The following POP4 variants were observed in gnomAD, a reference collection of about 807,000 sequenced individuals.
POP4 encodes the protein POP4 ribonuclease P/MRP subunit.
Under a neutral mutation model 29.9 loss-of-function variants are expected in POP4, and 31 were observed. The ratio of observed to expected loss-of-function variants is 1.04; its 90% CI spans 0.78 to 1.40. The LOEUF is 1.40. POP4 is among the 40% of genes most tolerant of loss of function. The probability of loss-of-function intolerance (pLI) is 0.00; values close to 1 mark genes in which losing one functional copy is unlikely to be tolerated. For synonymous variants in POP4, 110 were observed against 108.2 expected, an observed-to-expected ratio of 1.02 and a Z score of -0.10; for missense variants, 286 against 282.7, an observed-to-expected ratio of 1.01 and a Z score of -0.08.
Position 29,606,287 on chromosome 19 carries a change from C to T in POP4, c.-32C>T, listed in dbSNP as rs1466523066. 2 of 1,597,226 alleles carry T rather than the reference C, an allele frequency of 1.3e-6. No homozygotes were observed. Among genetic ancestry groups the T allele is most frequent in the Non-Finnish European group, 1.7e-6 (2 of 1,172,590 alleles). On this transcript the variant is annotated 5_prime_UTR_variant, in exon 1 of 7. Coordinates refer to ENST00000585603, the MANE Select transcript of POP4 (RefSeq NM_006627.3). ...GAGTCTGCGACAGCAGCTGCCAGTGCGTCATCAGAGAGCGCCGGAAGCGGT... is the reference window on the plus strand; with the variant it reads ...GAGTCTGCGACAGCAGCTGCCAGTGTGTCATCAGAGAGCGCCGGAAGCGGT...
intron 3 of POP4, 75 bp downstream of exon 3, chr19:29,610,707 G>C (rs1430448281): frequency 6.8e-7 from 1 of 1,460,208 alleles, no homozygotes. Flanking sequence ...TGAGTGGCTG[G>C]GGAGGCAGCC....
rs1178410464 is a variant in POP4 at position 29,615,403 on chromosome 19, T to A, written c.*23T>A. ...TGAATTCTTTGCCGTCTAAGGCAGT[T>A]GTTTATGACAGCTGAAAACTGGACA... On this transcript the variant is annotated 3_prime_UTR_variant, in exon 7 of 7. Coordinates refer to ENST00000585603, the MANE Select transcript of POP4 (RefSeq NM_006627.3). 6.2e-7 allele frequency: 1 copy of A among 1,606,124 alleles called. No homozygotes were observed. The highest frequency in any genetic ancestry group is 8.5e-7 in the Non-Finnish European group (1 of 1,175,332).
intron 2 of POP4, among the ~76,000 whole-genome samples, chr19:29,610,058 C>T (rs1971046005): frequency 6.6e-6 from 1 of 152,242 alleles, no homozygotes; most frequent in African/African-American, 2.4e-5. Flanking sequence ...ATTTGTTATA[C>T]ATTTCTCAAG....
Position 29,616,242 on chromosome 19 carries a change from G to A in POP4, c.*862G>A, listed in dbSNP as rs1242710557. The A allele has an allele frequency of 6.6e-6, 1 of 152,252 alleles. No homozygotes were observed. Among genetic ancestry groups the A allele is most frequent in the East Asian group, 1.9e-4 (1 of 5,202 alleles). The allele number at this position is 152,252 out of a possible 1,614,324, so 9.4% of individuals were successfully genotyped here. Reference sequence around the variant, plus strand: ...AGACTTGGCTTTTCAGTCTGACCCTGGCCCTCTGTGACCATGTGTCTGTAA... The same window carrying A: ...AGACTTGGCTTTTCAGTCTGACCCTAGCCCTCTGTGACCATGTGTCTGTAA... On this transcript the variant is annotated 3_prime_UTR_variant, in exon 7 of 7. Coordinates refer to ENST00000585603, the MANE Select transcript of POP4 (RefSeq NM_006627.3).
chr19:29,606,629 C>G (rs371609919), intron 1 of POP4: 1 of 337,874 alleles, frequency 3.0e-6, no homozygotes, highest in Admixed American at 4.7e-5. Context: ...CCGGGGTGAC[C>G]GCGGTCAAGA....
chr19:29,608,956 C>T, intron 2 of POP4: 1 of 463,370 alleles, frequency 2.2e-6, no homozygotes, highest in Non-Finnish European at 3.9e-6. Context: ...TTATCATTTC[C>T]CACTGTGTTG....
At chr19:29,613,617 A>T (rs1210987781) in intron 5 of POP4, among the ~76,000 whole-genome samples, 2 of 152,060 alleles carry the variant, frequency 1.3e-5, no homozygotes, top group Non-Finnish European at 2.9e-5. Flanking sequence ...CCTGCCCAAG[A>T]CCCCTGTGGC....
chr19:29,608,473 G>A (rs1187577358), intron 1 of POP4, among the ~76,000 whole-genome samples, 184 bp from the exon 2 acceptor site: 1 of 151,776 alleles, frequency 6.6e-6, no homozygotes, highest in Non-Finnish European at 1.5e-5. Flanking sequence ...CACCATGTTG[G>A]CCAGGCCGGT....
At position 29,617,204 on chromosome 19, in the gene POP4, C is replaced by G. The variant is rs1471843566; in HGVS notation, c.*1824C>G. 2 of 152,272 alleles carry G rather than the reference C, an allele frequency of 1.3e-5. No individual in the cohort carries two copies. Among genetic ancestry groups the G allele is most frequent in the Non-Finnish European group, 2.9e-5 (2 of 68,052 alleles). 9.4% of individuals were successfully genotyped at this position (152,272 alleles called of 1,614,324 possible). ...CCCTCTGCAATGTAAAAGGCGTCCA[C>G]TGTTGTGTAAATACACAGTTGCTTT... is the stretch of plus-strand genomic sequence containing the variant. On this transcript the variant is annotated 3_prime_UTR_variant, in exon 7 of 7. Coordinates refer to ENST00000585603, the MANE Select transcript of POP4 (RefSeq NM_006627.3).
chr19:29,612,084 G>C (rs1247977990), intron 4 of POP4, 33 bp from the exon 5 acceptor site: 1 of 1,597,746 alleles, frequency 6.3e-7, no homozygotes, highest in Non-Finnish European at 8.5e-7. Context: ...TTTTTATCAT[G>C]ATGTAAACCA....
intron 3 of POP4, chr19:29,611,087 C>T (rs1312882980): frequency 6.2e-6 from 1 of 161,462 alleles, no homozygotes; most frequent in Non-Finnish European, 1.4e-5. Context: ...ATGTCTTCCT[C>T]CAGCCGACCC....
rs1971027693 is a variant in POP4, at chr19:29,608,365, C to T, written c.8-292C>T. Among the ~76,000 whole-genome samples, 7 of 142,282 alleles carry T rather than the reference C, an allele frequency of 4.9e-5. No homozygotes were observed. In the South Asian group the frequency reaches 1.5e-3, roughly 31 times the overall value. The allele number at this position is 142,282 out of a possible 152,430, so 93.3% of individuals were successfully genotyped here. On this transcript the variant is annotated intron_variant, in intron 1 of 6. Transcript: ENST00000585603. ...CATTGCAGCCTCTGCCTCCCAGGTT[C>T]CAGCGATTCTCCTGCCTCAATCTCC...
intron 5 of POP4, among the ~76,000 whole-genome samples, chr19:29,613,423 G>A (rs1249702258): frequency 6.6e-6 from 1 of 152,174 alleles, no homozygotes; most frequent in Non-Finnish European, 1.5e-5. Context: ...GCTTGTGATG[G>A]TGGCTCATCT....
chr19:29,611,639 C>T, intron 3 of POP4: 6 of 508,040 alleles, frequency 1.2e-5, no homozygotes, highest in South Asian at 5.3e-5. Flanking sequence ...AGGTGGACAC[C>T]GCCCTGGGCT....
At chr19:29,615,092 C>A in intron 6 of POP4, 152 bp from the exon 7 acceptor site, 1 of 908,900 alleles carries the variant, frequency 1.1e-6, no homozygotes, top group Non-Finnish European at 1.6e-6. Flanking sequence ...CACAGGCAAC[C>A]CTAATGCCCC....
intron 3 of POP4, chr19:29,611,476 C>T (rs1971068008): frequency 4.6e-6 from 1 of 218,756 alleles, no homozygotes; most frequent in Non-Finnish European, 9.1e-6. Flanking sequence ...CCTTCCAGAC[C>T]AGCCTGCTGC....
At position 29,613,905 on chromosome 19, in the gene POP4, T is replaced by TA. The variant is rs1568295633; in HGVS notation, c.460dup (p.Thr154AsnfsTer53). ...CCAAATGCCCCTCTTATGTGGGTATTACAGGAATCCTTCTACAGGAAACAA... is the reference window on the plus strand; with the variant it reads ...CCAAATGCCCCTCTTATGTGGGTATTAACAGGAATCCTTCTACAGGAAACAA... On this transcript the variant is annotated frameshift_variant, in exon 6 of 7. Transcript: ENST00000585603. LOFTEE classifies it high-confidence loss of function. 6.2e-7 allele frequency: 1 copy of TA among 1,613,778 alleles called. No homozygotes were observed. The highest frequency in any genetic ancestry group is 8.5e-7 in the Non-Finnish European group (1 of 1,179,914).
At chr19:29,609,867 A>T (rs1971044384) in intron 2 of POP4, among the ~76,000 whole-genome samples, 1 of 152,152 alleles carries the variant, frequency 6.6e-6, no homozygotes, top group South Asian at 2.1e-4. Flanking sequence ...CCATGCCCAC[A>T]GAGCTGGAAA....
At chr19:29,609,793 G>A (rs1035885179) in intron 2 of POP4, among the ~76,000 whole-genome samples, 3 of 152,164 alleles carry the variant, frequency 2.0e-5, no homozygotes, top group East Asian at 1.9e-4. Context: ...AGATGCTCTC[G>A]ACGGTACCTT....
Sources: allele counts gnomAD v4.1 joint callset (sites outside exome capture counted in the v4.1 genomes callset), GRCh38; gene constraint gnomAD v4.1.1; transcripts MANE v1.5; gene names NCBI Gene and HGNC (gene_info 2026-07-23, HGNC 2026-07-21).